SYN2: variants seen among roughly 807,000 people sequenced by gnomAD.
The protein encoded by SYN2 is synapsin-2.
A neutral mutation model predicts 50.9 loss-of-function variants in SYN2; 19 were observed. That is an observed-to-expected ratio of 0.37 (90% CI 0.26 to 0.55). SYN2 has a LOEUF of 0.55. Ranked by LOEUF, SYN2 falls within the 20% of genes least tolerant of loss-of-function variation. SYN2 has a pLI of 0.81. For missense variants in SYN2, 587 were observed against 576.4 expected (o/e 1.02, Z -0.19); for synonymous variants, 255 against 224.9 (o/e 1.13, Z -1.20).
chr3:12,020,156 A>T (rs1464952666), intron 1 of SYN2, among the ~76,000 whole-genome samples: 1 of 152,170 alleles, frequency 6.6e-6, no homozygotes, highest in Non-Finnish European at 1.5e-5. Flanking sequence ...GTTGTCAGGA[A>T]AGAGGATTTT....
intron 1 of SYN2, among the ~76,000 whole-genome samples, chr3:12,067,287 TAAAA>T (rs950137152): frequency 6.6e-6 from 1 of 151,110 alleles, no homozygotes; most frequent in South Asian, 2.1e-4. Context: ...TTCAGTGATT[TAAAA>T]AAAAAGAAAA....
chr3:12,123,154 A>G (rs1696598305), intron 1 of SYN2, among the ~76,000 whole-genome samples: 1 of 152,234 alleles, frequency 6.6e-6, no homozygotes, highest in Non-Finnish European at 1.5e-5. Context: ...TATAGAAGGA[A>G]GGAATAGAGA....
intron 5 of SYN2, among the ~76,000 whole-genome samples, chr3:12,154,633 G>T (rs1018701133): frequency 1.3e-5 from 2 of 152,216 alleles, no homozygotes; most frequent in Non-Finnish European, 2.9e-5. Context: ...AAAAAGATAA[G>T]CAGATTATGT....
chr3:12,111,548 A>G (rs1428106477), intron 1 of SYN2, among the ~76,000 whole-genome samples: 1 of 152,204 alleles, frequency 6.6e-6, no homozygotes, highest in East Asian at 1.9e-4. Context: ...ACCCTAAAGA[A>G]CTAGAAATTC....
rs547955319 is a variant in SYN2 at position 12,058,388 on chromosome 3, T to G, written c.377+53460T>G. On this transcript the variant is annotated intron_variant, in intron 1 of 12. Transcript: ENST00000621198. ...ACTAAAGGAATCAGAACTCAGAATT[T>G]TTTTTAGAATGAGTTATTCCAGTCA... 5.9e-4 allele frequency among the ~76,000 whole-genome samples: 90 copies of G among 152,356 alleles called. 1 individual carries two copies. Among genetic ancestry groups the G allele is most frequent in the African/African-American group, 2.1e-3 (86 of 41,590 alleles).
intron 11 of SYN2, chr3:12,184,764 C>G: frequency 1.0e-6 from 1 of 985,914 alleles, no homozygotes; most frequent in South Asian, 4.7e-5. Flanking sequence ...TTCATTAAAC[C>G]AGGCCTCAGC....
chr3:12,148,076 T>C (rs1341483407), intron 4 of SYN2, among the ~76,000 whole-genome samples: 3 of 151,834 alleles, frequency 2.0e-5, no homozygotes, highest in Non-Finnish European at 4.4e-5. Flanking sequence ...ATCGCACCAC[T>C]GTACTCCAGC....
chr3:12,079,418 G>A (rs1016452694), intron 1 of SYN2, among the ~76,000 whole-genome samples: 2 of 152,136 alleles, frequency 1.3e-5, no homozygotes, highest in African/African-American at 4.8e-5. Context: ...TGCCCATTCA[G>A]TATGATATCG....
intron 1 of SYN2, among the ~76,000 whole-genome samples, chr3:12,034,794 T>C (rs1026170718): frequency 6.6e-6 from 1 of 152,168 alleles, no homozygotes; most frequent in Non-Finnish European, 1.5e-5. Flanking sequence ...TTCCAACACA[T>C]GAATTTTGGG....
At chr3:12,039,856 T>C (rs1694575599) in intron 1 of SYN2, among the ~76,000 whole-genome samples, 1 of 152,164 alleles carries the variant, frequency 6.6e-6, no homozygotes, top group Non-Finnish European at 1.5e-5. Flanking sequence ...CAGGTCTTAA[T>C]TCCTAAATCA....
chr3:12,021,543 A>C (rs1244652465), intron 1 of SYN2, among the ~76,000 whole-genome samples: 1 of 152,148 alleles, frequency 6.6e-6, no homozygotes, highest in Non-Finnish European at 1.5e-5. Flanking sequence ...GAGCCCTGTG[A>C]CCAGCCTGGG....
chr3:12,078,474 T>G (rs1199424076), intron 1 of SYN2, among the ~76,000 whole-genome samples: 1 of 152,224 alleles, frequency 6.6e-6, no homozygotes, highest in Non-Finnish European at 1.5e-5. Context: ...TTGAGTTAGT[T>G]TTTGTATAAT....
intron 11 of SYN2, chr3:12,183,654 T>C (rs1400400124): frequency 1.4e-6 from 2 of 1,386,298 alleles, no homozygotes; most frequent in African/African-American, 2.9e-5. Flanking sequence ...GTTTTCTCTG[T>C]ATAACTTGTG....
rs554551534 is a variant in SYN2, at chr3:12,140,723, G to A, written c.435+15G>A. 2.1e-5 allele frequency: 16 copies of A among 750,100 alleles called. 1 individual carries two copies. The Admixed American group carries it at 2.4e-4, about 11-fold the overall frequency. 46.5% of individuals were successfully genotyped at this position (750,100 alleles called of 1,614,324 possible). A position where few individuals can be genotyped will look rare whatever the true frequency, so the allele number is the denominator to read the frequency against. ...AGGTGGAACAGGTAATCAGCCTGAA[G>A]CCCAGAGCTGCATCCCCGTCATCAC... On this transcript the variant is annotated intron_variant, in intron 2 of 12. Coordinates refer to ENST00000621198, the MANE Select transcript of SYN2 (RefSeq NM_133625.6).
rs917333303 is a variant in SYN2 at position 12,185,455 on chromosome 3, C to T, written c.1370-1914C>T. ...GTGGGGGAGAAATTGGTTAGGGCTC[C>T]CACTGCCAAATGCAAGCAGATAGCA... On this transcript the variant is annotated intron_variant, in intron 11 of 12. Transcript: ENST00000621198. 3 of 985,634 alleles carry T rather than the reference C, an allele frequency of 3.0e-6. No homozygotes were observed. The African/African-American group carries it at 5.2e-5, about 17-fold the overall frequency. 61.1% of individuals were successfully genotyped at this position (985,634 alleles called of 1,614,324 possible). A position where few individuals can be genotyped will look rare whatever the true frequency, so the allele number is the denominator to read the frequency against.
intron 1 of SYN2, among the ~76,000 whole-genome samples, chr3:12,054,752 T>C (rs920163334): frequency 4.6e-5 from 7 of 151,916 alleles, no homozygotes; most frequent in Non-Finnish European, 1.0e-4. Flanking sequence ...TTAGCTTTAC[T>C]TCCTCATTCT....
At chr3:12,085,317 CATA>C (rs1695672533) in intron 1 of SYN2, among the ~76,000 whole-genome samples, 1 of 150,320 alleles carries the variant, frequency 6.7e-6, no homozygotes, top group East Asian at 2.0e-4. Flanking sequence ...ATCAAGAAGA[CATA>C]ATAATCATAT....
At chr3:12,126,512 A>G (rs997173574) in intron 1 of SYN2, among the ~76,000 whole-genome samples, 1 of 152,206 alleles carries the variant, frequency 6.6e-6, no homozygotes, top group African/African-American at 2.4e-5. Flanking sequence ...CCTGTGGGTA[A>G]ATCCCCTCCC....
chr3:12,099,790 C>G (rs1468932397), intron 1 of SYN2, among the ~76,000 whole-genome samples: 1 of 151,754 alleles, frequency 6.6e-6, no homozygotes, highest in African/African-American at 2.4e-5. Flanking sequence ...CGGTGAAACC[C>G]CATCTCTACT....
Sources: gnomAD v4.1 joint callset for allele counts (sites outside exome capture counted in the v4.1 genomes callset) on GRCh38, gnomAD v4.1.1 for gene constraint, MANE v1.5 for transcripts, NCBI Gene and HGNC (gene_info 2026-07-23, HGNC 2026-07-21) for gene names.